OR51B5: variants seen among roughly 807,000 people sequenced by gnomAD.
The protein encoded by OR51B5 is olfactory receptor 51B5.
For missense variants in OR51B5, 456 were observed against 374.6 expected (o/e 1.22, Z -1.79); for synonymous variants, 186 against 144.8 (o/e 1.28, Z -2.04).
chr11:5,473,933 T>C (rs1472268564), intron 1 of OR51B5, among the ~76,000 whole-genome samples: 1 of 151,828 alleles, frequency 6.6e-6, no homozygotes, highest in Admixed American at 6.6e-5. Context: ...TACCTGTAGT[T>C]ACTAGGAAAT....
At chr11:5,452,438 G>T (rs370741056) in intron 1 of OR51B5, among the ~76,000 whole-genome samples, 1 of 148,048 alleles carries the variant, frequency 6.8e-6, no homozygotes, top group South Asian at 2.2e-4. Context: ...CCCGGGAGGT[G>T]GAGTTGCAGT....
In OR51B5 at chr11:5,390,012, C is replaced by T. The variant is rs758929045; in HGVS notation, n.85-43102G>A. 8 of 1,613,294 alleles carry T rather than the reference C, an allele frequency of 5.0e-6. No individual in the cohort carries two copies. The Middle Eastern group carries it at 4.9e-4, about 99-fold the overall frequency. ...ATACAGCTGGCCTGCACAGATATCA[C>T]CTTCAATAATCTGTATGGACTGATG... On this transcript the variant is annotated intron_variant and non_coding_transcript_variant, in intron 1 of 4. Transcript: ENST00000415970.
intron 1 of OR51B5, among the ~76,000 whole-genome samples, chr11:5,473,340 G>A (rs1851257324): frequency 6.6e-6 from 1 of 152,116 alleles, no homozygotes; most frequent in African/African-American, 2.4e-5. Context: ...AAGGATGTCG[G>A]GGCCATCTTG....
intron 1 of OR51B5, among the ~76,000 whole-genome samples, chr11:5,426,354 T>C (rs1297973739): frequency 3.9e-5 from 6 of 152,152 alleles, no homozygotes; most frequent in Non-Finnish European, 8.8e-5. Context: ...TGAAGTTTAA[T>C]GGAAACAAAA....
rs116336900 is a variant in OR51B5, at chr11:5,381,239, G to C, written n.85-34329C>G. ...TTGCACATTAACAAATAGGTACACT[G>C]TTACAGTGACACTTTTCACTTTTAG... On this transcript the variant is annotated intron_variant and non_coding_transcript_variant, in intron 1 of 4. Coordinates refer to the OR51B5 transcript ENST00000415970. Among the ~76,000 whole-genome samples, 443 of 151,862 alleles carry C rather than the reference G, an allele frequency of 2.9e-3. 1 individual carries two copies. Among genetic ancestry groups the C allele is most frequent in the African/African-American group, 0.01 (420 of 41,384 alleles).
At chr11:5,415,496 T>G (rs1850227827) in intron 1 of OR51B5, among the ~76,000 whole-genome samples, 1 of 151,904 alleles carries the variant, frequency 6.6e-6, no homozygotes, top group Admixed American at 6.6e-5. Context: ...AGCTGGTTTC[T>G]TGAAAGGATC....
chr11:5,454,721 C>A, intron 1 of OR51B5: 1 of 207,140 alleles, frequency 4.8e-6, no homozygotes, highest in South Asian at 1.3e-4. Flanking sequence ...ATGAATATTA[C>A]TAATATAATA....
intron 1 of OR51B5, among the ~76,000 whole-genome samples, chr11:5,458,101 A>G (rs1019980470): frequency 1.3e-5 from 2 of 152,100 alleles, no homozygotes; most frequent in Non-Finnish European, 2.9e-5. Flanking sequence ...TTTAGTTATA[A>G]TATTATGCTT....
intron 1 of OR51B5, among the ~76,000 whole-genome samples, chr11:5,388,905 G>A (rs1849745363): frequency 6.6e-6 from 1 of 152,120 alleles, no homozygotes; most frequent in East Asian, 1.9e-4. Context: ...ATGGAGAGAT[G>A]TGATATGGAG....
At position 5,343,302 on chromosome 11, in the gene OR51B5, TGGTCAGGGCCAGCCCCA is replaced by T; in HGVS notation, c.206_222del (p.Leu69HisfsTer45). Reference sequence around the variant, plus strand: ...AGGACTCCCAGCACCGTGGGCATTGTGGTCAGGGCCAGCCCCAGGTCTGTGGCAGCCAGCATGGCCAG... The same window carrying T: ...AGGACTCCCAGCACCGTGGGCATTGTGGTCTGTGGCAGCCAGCATGGCCAG... On this transcript the variant is annotated frameshift_variant, in exon 1 of 1. Transcript: ENST00000300773. LOFTEE classifies it low-confidence loss of function (END_TRUNC). The T allele has an allele frequency of 6.2e-7, 1 of 1,611,692 alleles. No individual in the cohort carries two copies. The highest frequency in any genetic ancestry group is 8.5e-7 in the Non-Finnish European group (1 of 1,178,910).
intron 1 of OR51B5, among the ~76,000 whole-genome samples, chr11:5,406,133 C>CA (rs1394247656): frequency 1.3e-5 from 2 of 152,108 alleles, no homozygotes; most frequent in Non-Finnish European, 2.9e-5. Context: ...AAGTCATTTC[C>CA]ATTTTCTTTC....
intron 1 of OR51B5, among the ~76,000 whole-genome samples, chr11:5,375,486 C>G (rs1010486163): frequency 6.6e-5 from 10 of 152,058 alleles, no homozygotes; most frequent in Non-Finnish European, 1.5e-4. Flanking sequence ...ACAATATTAA[C>G]TTTAAATGTA....
At chr11:5,371,294 AAC>A (rs1394330772) in intron 1 of OR51B5, among the ~76,000 whole-genome samples, 1 of 152,146 alleles carries the variant, frequency 6.6e-6, no homozygotes, top group Non-Finnish European at 1.5e-5. Flanking sequence ...TTAAAACTCA[AAC>A]ACAGAAGTTC....
chr11:5,405,090 T>C (rs1177530878), intron 1 of OR51B5, among the ~76,000 whole-genome samples: 1 of 152,228 alleles, frequency 6.6e-6, no homozygotes, highest in Admixed American at 6.5e-5. Context: ...CCTTGTTGGA[T>C]GCTCTTTTGC....
intron 1 of OR51B5, chr11:5,351,728 C>T (rs1849091144): frequency 4.3e-6 from 7 of 1,613,730 alleles, no homozygotes; most frequent in Non-Finnish European, 5.9e-6. Context: ...GTGACATTGA[C>T]CACAATGCCC....
chr11:5,402,766 C>T, intron 1 of OR51B5: 1 of 471,486 alleles, frequency 2.1e-6, no homozygotes, highest in Non-Finnish European at 4.4e-6. Flanking sequence ...ACAGATATTG[C>T]CCTACATCAA....
chr11:5,471,553 T>C (rs1260102528), intron 1 of OR51B5, among the ~76,000 whole-genome samples: 1 of 151,676 alleles, frequency 6.6e-6, no homozygotes, highest in African/African-American at 2.4e-5. Context: ...GTAGAATCCC[T>C]TGAACTCGGG....
chr11:5,440,645 G>T lies in OR51B5; in HGVS notation n.84+64924C>A. On this transcript the variant is annotated intron_variant and non_coding_transcript_variant, in intron 1 of 4. Transcript: ENST00000415970. Reference sequence around the variant, plus strand: ...TGGTTTTCACACTGTAGATGATAGGGTTGAGCATGGGTGGTACAAACAGGT... The same window carrying T: ...TGGTTTTCACACTGTAGATGATAGGTTTGAGCATGGGTGGTACAAACAGGT... 6.2e-7 allele frequency: 1 copy of T among 1,613,886 alleles called. No homozygotes were observed. The highest frequency in any genetic ancestry group is 1.3e-5 in the African/African-American group (1 of 75,022).
chr11:5,372,859 G>T (rs1367558568), intron 1 of OR51B5, among the ~76,000 whole-genome samples: 1 of 152,018 alleles, frequency 6.6e-6, no homozygotes, highest in Non-Finnish European at 1.5e-5. Flanking sequence ...CCCCCAAATG[G>T]CCAAAACAAT....
Sources: allele counts gnomAD v4.1 joint callset (sites outside exome capture counted in the v4.1 genomes callset), GRCh38; gene constraint gnomAD v4.1.1; transcripts MANE v1.5; gene names NCBI Gene and HGNC (gene_info 2026-07-23, HGNC 2026-07-21).